SPAG16: variants seen among roughly 807,000 people sequenced by gnomAD.
SPAG16 encodes sperm associated antigen 16, also known as sperm-associated antigen 16 protein.
SPAG16 carries 86 observed loss-of-function variants against 80.4 expected under a neutral mutation model. That is an observed-to-expected ratio of 1.07 (90% confidence interval 0.90 to 1.28). SPAG16 has a LOEUF of 1.28. Among genes scored for constraint, SPAG16 ranks in the 50% most tolerant of loss-of-function variants. The pLI, the probability that SPAG16 is intolerant of heterozygous loss-of-function variation, is 0.00. For synonymous variants in SPAG16, 294 were observed against 265.9 expected (o/e 1.11, Z -1.03); for missense variants, 870 against 765.3 (o/e 1.14, Z -1.61).
intron 9 of SPAG16, among the ~76,000 whole-genome samples, chr2:213,454,770 T>C (rs528687917): frequency 4.7e-4 from 72 of 152,208 alleles, no homozygotes; most frequent in Admixed American, 4.6e-3. Context: ...GGCTGAGCTC[T>C]TCTTTTACAG....
At chr2:213,340,387 GA>G (rs1258583581) in intron 6 of SPAG16, 117 bp downstream of exon 6, 23 of 745,480 alleles carry the variant, frequency 3.1e-5, no homozygotes, top group Middle Eastern at 3.8e-4. Context: ...AGCATAAGAT[GA>G]GTAAGTTGCG....
At chr2:213,897,285 T>C (rs956636784) in intron 11 of SPAG16, among the ~76,000 whole-genome samples, 5 of 152,184 alleles carry the variant, frequency 3.3e-5, no homozygotes, top group African/African-American at 1.2e-4. Flanking sequence ...TGGCTATGAC[T>C]TACAAGTATG....
At chr2:213,390,256 T>TA (rs1021817659) in intron 9 of SPAG16, among the ~76,000 whole-genome samples, 3 of 152,156 alleles carry the variant, frequency 2.0e-5, no homozygotes, top group Non-Finnish European at 4.4e-5. Flanking sequence ...TACTGTTTAA[T>TA]GAGTATAGAG....
chr2:213,511,777 A>T (rs2075234837), intron 10 of SPAG16, among the ~76,000 whole-genome samples: 1 of 152,054 alleles, frequency 6.6e-6, no homozygotes, highest in Admixed American at 6.5e-5. Flanking sequence ...AGTGTCTCAT[A>T]TTCATTCTGT....
At chr2:213,921,988 T>G (rs529785501) in intron 11 of SPAG16, among the ~76,000 whole-genome samples, 3 of 152,230 alleles carry the variant, frequency 2.0e-5, no homozygotes, top group Non-Finnish European at 4.4e-5. Context: ...GAGAATCTGA[T>G]GATTATGTGT....
rs1403083357 is a variant in SPAG16, at chr2:214,053,300, G to A, written c.1527+39223G>A. Among the ~76,000 whole-genome samples the A allele has an allele frequency of 5.3e-5, 8 of 152,046 alleles. 1 individual carries two copies. The highest frequency in any genetic ancestry group is 5.2e-4 in the Admixed American group (8 of 15,254). Reference sequence around the variant, plus strand: ...AATCTATATTAAATCTTCTTAACTAGAACAAAAAAAAATGAAAATTAAACA... The same window carrying A: ...AATCTATATTAAATCTTCTTAACTAAAACAAAAAAAAATGAAAATTAAACA... On this transcript the variant is annotated intron_variant, in intron 13 of 15. Coordinates refer to ENST00000331683, the MANE Select transcript of SPAG16 (RefSeq NM_024532.5).
chr2:214,325,715 A>C (rs576777283), intron 15 of SPAG16, among the ~76,000 whole-genome samples: 26 of 79,810 alleles, frequency 3.3e-4, no homozygotes, highest in African/African-American at 1.1e-3. Flanking sequence ...ATTCCTTATT[A>C]TTGATTAGCT....
chr2:213,307,929 C>T (rs1032707354), intron 3 of SPAG16, among the ~76,000 whole-genome samples: 10 of 152,132 alleles, frequency 6.6e-5, no homozygotes, highest in Non-Finnish European at 1.2e-4. Flanking sequence ...GATCCTCTTT[C>T]CTCATTGGAT....
chr2:213,969,026 A>G (rs1347304725), intron 12 of SPAG16, among the ~76,000 whole-genome samples: 1 of 152,224 alleles, frequency 6.6e-6, no homozygotes, highest in Non-Finnish European at 1.5e-5. Context: ...AGCATAGAAG[A>G]CTTGAGTAAA....
chr2:213,975,110 A>G (rs1221017676), intron 12 of SPAG16, among the ~76,000 whole-genome samples: 1 of 151,382 alleles, frequency 6.6e-6, no homozygotes, highest in African/African-American at 2.4e-5. Flanking sequence ...CAAGATATTC[A>G]TACAATAGTA....
intron 5 of SPAG16, among the ~76,000 whole-genome samples, chr2:213,319,814 A>G (rs1314127575): frequency 2.0e-5 from 3 of 152,018 alleles, no homozygotes; most frequent in African/African-American, 4.8e-5. Flanking sequence ...ACGAAATAAC[A>G]TATTACTCAT....
chr2:213,804,079 A>G (rs1394376894), intron 10 of SPAG16, among the ~76,000 whole-genome samples: 3 of 152,338 alleles, frequency 2.0e-5, no homozygotes, highest in East Asian at 3.9e-4. Flanking sequence ...TTTATATGAT[A>G]TAAATGTTTA....
chr2:213,604,010 GCCT>G (rs1023330323), intron 10 of SPAG16, among the ~76,000 whole-genome samples: 5 of 149,938 alleles, frequency 3.3e-5, no homozygotes, highest in African/African-American at 1.2e-4. Flanking sequence ...TGTATCCTCT[GCCT>G]CCTGAGTAGC....
chr2:213,466,222 C>T (rs1216771425), intron 9 of SPAG16, among the ~76,000 whole-genome samples: 4 of 152,136 alleles, frequency 2.6e-5, no homozygotes, highest in African/African-American at 4.8e-5. Context: ...TGAGCCAATA[C>T]TCCTTAATAA....
rs372034773 is a variant in SPAG16, at chr2:214,360,751, G to T, written c.1721-49389G>T. 2.0e-5 allele frequency among the ~76,000 whole-genome samples: 3 copies of T among 151,784 alleles called. No individual in the cohort carries two copies. The East Asian group carries it at 5.8e-4, about 29-fold the overall frequency. Reference sequence around the variant, plus strand: ...ATAATTGAATCTGCTGAAATAAACTGACAATAGACAAATTAGCTGGAGGCA... The same window carrying T: ...ATAATTGAATCTGCTGAAATAAACTTACAATAGACAAATTAGCTGGAGGCA... On this transcript the variant is annotated intron_variant, in intron 15 of 15. Transcript: ENST00000331683.
chr2:213,653,597 C>G (rs2063104012), intron 10 of SPAG16, among the ~76,000 whole-genome samples: 1 of 152,180 alleles, frequency 6.6e-6, no homozygotes. Flanking sequence ...TGAATTTCTA[C>G]TTATTGAGCA....
chr2:213,604,716 T>C (rs1394389186), intron 10 of SPAG16, among the ~76,000 whole-genome samples: 1 of 152,030 alleles, frequency 6.6e-6, no homozygotes, highest in Non-Finnish European at 1.5e-5. Context: ...CAGTTCTATT[T>C]CTACACAATA....
chr2:214,264,699 A>C (rs1691426343), intron 15 of SPAG16, among the ~76,000 whole-genome samples: 1 of 152,148 alleles, frequency 6.6e-6, no homozygotes. Flanking sequence ...CAAATGTATA[A>C]CATCATGCAT....
intron 6 of SPAG16, among the ~76,000 whole-genome samples, chr2:213,348,392 T>C (rs1212974084): frequency 6.6e-6 from 1 of 152,168 alleles, no homozygotes; most frequent in African/African-American, 2.4e-5. Context: ...AGGTTAATAT[T>C]CTTATGTGTG....
Sources: allele counts gnomAD v4.1 joint callset (sites outside exome capture counted in the v4.1 genomes callset), GRCh38; gene constraint gnomAD v4.1.1; transcripts MANE v1.5; gene names NCBI Gene and HGNC (gene_info 2026-07-23, HGNC 2026-07-21).